Variants in ZNF28 observed in about 807,000 individuals in gnomAD.
ZNF28 encodes the protein zinc finger protein 28.
In ZNF28, 5 loss-of-function variants were observed where a neutral mutation model predicts 7.2. That is an observed-to-expected ratio of 0.70 (90% CI 0.36 to 1.46). ZNF28 has a LOEUF of 1.46. Among genes scored for constraint, ZNF28 ranks in the 40% most tolerant of loss-of-function variants. The probability of loss-of-function intolerance (pLI) is 0.03; values close to 1 mark genes in which losing one functional copy is unlikely to be tolerated. For synonymous variants in ZNF28, 288 were observed against 292.4 expected, an observed-to-expected ratio of 0.99 and a Z score of 0.15; for missense variants, 879 against 866.6, an observed-to-expected ratio of 1.01 and a Z score of -0.18.
chr19:52,813,507 C>G (rs865895576), intron 2 of ZNF28, among the ~76,000 whole-genome samples: 1 of 146,314 alleles, frequency 6.8e-6, no homozygotes, highest in Non-Finnish European at 1.5e-5. Context: ...TTTTTTTACC[C>G]AGGGCTCTGG....
At chr19:52,818,163 A>C in intron 1 of ZNF28, 132 bp from the exon 2 acceptor site, 1 of 969,262 alleles carries the variant, frequency 1.0e-6, no homozygotes. Context: ...ACCACGAACA[A>C]AAAATTCCTA....
intron 1 of ZNF28, among the ~76,000 whole-genome samples, chr19:52,819,093 A>G (rs2063163398): frequency 7.1e-6 from 1 of 140,126 alleles, no homozygotes; most frequent in Non-Finnish European, 1.5e-5. Context: ...CAACAACCTG[A>G]GACAGGAAGG....
Position 52,799,008 on chromosome 19 carries a change from C to A in ZNF28, c.*680G>T. 1.2e-6 allele frequency: 1 copy of A among 821,574 alleles called. No individual in the cohort carries two copies. Among genetic ancestry groups the A allele is most frequent in the Non-Finnish European group, 1.8e-6 (1 of 541,530 alleles). The allele number at this position is 821,574 out of a possible 1,614,324, so 50.9% of individuals were successfully genotyped here. ...TCACTCCCAAAAGCCTTGTTACAAA[C>A]CTTACATTTGTATGTTTTTTCTCCA... On this transcript the variant is annotated 3_prime_UTR_variant, in exon 4 of 4. Transcript: ENST00000457749.
chr19:52,797,509 G>A lies in ZNF28; in HGVS notation c.*2179C>T, dbSNP rs2062812124. On this transcript the variant is annotated 3_prime_UTR_variant, in exon 4 of 4. Coordinates refer to ENST00000457749, the MANE Select transcript of ZNF28 (RefSeq NM_006969.5). ...CAACTGGAACTAATAAACATATTCAGTGTATTTGCAGAATAGAATAATAGC... is the reference window on the plus strand; with the variant it reads ...CAACTGGAACTAATAAACATATTCAATGTATTTGCAGAATAGAATAATAGC... The A allele has an allele frequency of 6.6e-6, 1 of 152,196 alleles. No homozygotes were observed. The highest frequency in any genetic ancestry group is 1.5e-5 in the Non-Finnish European group (1 of 68,032). The allele number at this position is 152,196 out of a possible 1,614,324, so 9.4% of individuals were successfully genotyped here.
At chr19:52,816,001 TA>T (rs1367675175) in intron 2 of ZNF28, among the ~76,000 whole-genome samples, 1 of 146,870 alleles carries the variant, frequency 6.8e-6, no homozygotes, top group Non-Finnish European at 1.5e-5. Flanking sequence ...GAATTTTTTT[TA>T]AAGTCTCATA....
Position 52,800,028 on chromosome 19 carries a change from G to C in ZNF28, c.1817C>G (p.Pro606Arg). The change falls in exon 4 of 4, where the codon CCT (proline) becomes CGT (arginine). Residue 606 changes from proline (P) to arginine (R), a missense_variant. Physicochemically the swap from Pro to Arg is moderately radical, Grantham distance 103 (BLOSUM62 -2). This residue lies in a region of ZNF28 where 864 missense variants were observed against 830.2 expected (regional missense o/e 1.04). Transcript: ENST00000457749. ...QHQRVHTGEK[P>R]YKCNECGKTF... Reference sequence around the variant, plus strand: ...CTTGCCACACTCATTACACTTGTAAGGTTTCTCTCCAGTATGAACTCTCTG... The same window carrying C: ...CTTGCCACACTCATTACACTTGTAACGTTTCTCTCCAGTATGAACTCTCTG... The C allele has an allele frequency of 1.2e-6, 2 of 1,614,174 alleles. No homozygotes were observed. Among genetic ancestry groups the C allele is most frequent in the Non-Finnish European group, 1.7e-6 (2 of 1,180,024 alleles).
chr19:52,804,693 C>T (rs921856996), intron 3 of ZNF28, among the ~76,000 whole-genome samples: 1 of 152,008 alleles, frequency 6.6e-6, no homozygotes, highest in African/African-American at 2.4e-5. Context: ...TTAGTAAATT[C>T]GAGGTTTCAC....
intron 3 of ZNF28, among the ~76,000 whole-genome samples, chr19:52,807,517 G>A (rs908110512): frequency 1.3e-5 from 2 of 152,072 alleles, no homozygotes; most frequent in Admixed American, 6.6e-5. Flanking sequence ...TCTGTCGTCC[G>A]GGCTGGAGTG....
rs1336530537 is a variant in ZNF28, at chr19:52,800,559, T to C, written c.1286A>G (p.His429Arg). ...CTTCTCTCCAGTGTGAATTATACTA[T>C]GTTTTGCCAGGTATGAATTATATGC... ...AFAYNSYLAK[H>R]SIIHTGEKPY... The change falls in exon 4 of 4, where the codon CAT becomes CGT. Residue 429 changes from histidine (H) to arginine (R), a missense_variant. By Grantham distance (29) the His-to-Arg change is conservative. Coordinates refer to ENST00000457749, the MANE Select transcript of ZNF28 (RefSeq NM_006969.5). 5.0e-6 allele frequency: 8 copies of C among 1,613,438 alleles called. No individual in the cohort carries two copies. Among genetic ancestry groups the C allele is most frequent in the Non-Finnish European group, 6.8e-6 (8 of 1,179,840 alleles).
intron 2 of ZNF28, among the ~76,000 whole-genome samples, chr19:52,817,051 A>G (rs1457973699): frequency 6.6e-6 from 1 of 152,012 alleles, no homozygotes; most frequent in Non-Finnish European, 1.5e-5. Context: ...TCCTGCTATT[A>G]TTTACATTGA....
Position 52,812,103 on chromosome 19 carries a change from C to T in ZNF28, c.16-3970G>A, listed in dbSNP as rs1411602024. Reference sequence around the variant, plus strand: ...GCCGCCCCTACTGGGAAGTGAGGAGCCCCTCTGCCTGGCCAGCCGCCCCGT... The same window carrying T: ...GCCGCCCCTACTGGGAAGTGAGGAGTCCCTCTGCCTGGCCAGCCGCCCCGT... On this transcript the variant is annotated intron_variant, in intron 2 of 3. Transcript: ENST00000457749. Among the ~76,000 whole-genome samples the T allele has an allele frequency of 7.5e-5, 8 of 106,882 alleles. 1 individual carries two copies. Among genetic ancestry groups the T allele is most frequent in the Non-Finnish European group, 1.4e-4 (8 of 55,466 alleles). The allele number at this position is 106,882 out of a possible 152,430, so 70.1% of individuals were successfully genotyped here. A position where few individuals can be genotyped will look rare whatever the true frequency, so the allele number is the denominator to read the frequency against.
At chr19:52,809,154 A>G (rs1333325332) in intron 2 of ZNF28, among the ~76,000 whole-genome samples, 1 of 152,194 alleles carries the variant, frequency 6.6e-6, no homozygotes, top group Non-Finnish European at 1.5e-5. Flanking sequence ...GGCAGGGGGA[A>G]TCTTGTCAGA....
intron 2 of ZNF28, among the ~76,000 whole-genome samples, chr19:52,812,843 C>G (rs1045311831): frequency 1.5e-4 from 23 of 150,012 alleles, no homozygotes; most frequent in Non-Finnish European, 2.8e-4. Flanking sequence ...ACTGGGCAAG[C>G]CTTTGAGGAA....
chr19:52,798,840 C>A lies in ZNF28; in HGVS notation c.*848G>T. ...GCATTACTGAAAACTTTGTGACAAT[C>A]ATTATATTAGTCAAGTTTCCCTATA... On this transcript the variant is annotated 3_prime_UTR_variant, in exon 4 of 4. Coordinates refer to ENST00000457749, the MANE Select transcript of ZNF28 (RefSeq NM_006969.5). 2 of 1,132,330 alleles carry A rather than the reference C, an allele frequency of 1.8e-6. No individual in the cohort carries two copies. The highest frequency in any genetic ancestry group is 3.5e-5 in the East Asian group (1 of 28,818). The allele number at this position is 1,132,330 out of a possible 1,614,324, so 70.1% of individuals were successfully genotyped here.
At chr19:52,816,858 T>TAAC (rs1250648607) in intron 2 of ZNF28, among the ~76,000 whole-genome samples, 1 of 130,296 alleles carries the variant, frequency 7.7e-6, no homozygotes, top group African/African-American at 2.9e-5. Flanking sequence ...ATAATAATAA[T>TAAC]AATAATAATA....
intron 1 of ZNF28, 27 bp from the exon 2 acceptor site, chr19:52,818,058 T>C (rs943816571): frequency 6.3e-7 from 1 of 1,575,070 alleles, no homozygotes; most frequent in African/African-American, 1.3e-5. Flanking sequence ...TGTTGTTTAT[T>C]GCTCAGAATC....
rs2063060738 is a variant in ZNF28 at position 52,812,297 on chromosome 19, G to A, written c.16-4164C>T. ...CGGCTCATTGAGAACGGGCCATGAT[G>A]ACAATGGCGGTTTTGTGGAATAGAA... is the stretch of plus-strand genomic sequence containing the variant. On this transcript the variant is annotated intron_variant, in intron 2 of 3. Coordinates refer to ENST00000457749, the MANE Select transcript of ZNF28 (RefSeq NM_006969.5). 1.4e-5 allele frequency among the ~76,000 whole-genome samples: 2 copies of A among 141,382 alleles called. 1 individual carries two copies. Among genetic ancestry groups the A allele is most frequent in the Non-Finnish European group, 3.0e-5 (2 of 67,390 alleles). The allele number at this position is 141,382 out of a possible 152,430, so 92.8% of individuals were successfully genotyped here. A position where few individuals can be genotyped will look rare whatever the true frequency, so the allele number is the denominator to read the frequency against.
intron 1 of ZNF28, among the ~76,000 whole-genome samples, chr19:52,819,711 C>G (rs888109030): frequency 1.4e-5 from 2 of 142,910 alleles, no homozygotes; most frequent in African/African-American, 5.8e-5. Flanking sequence ...CTGGTCTTAT[C>G]ATCCCATCCT....
rs541560187 is a variant in ZNF28 at position 52,804,207 on chromosome 19, T to A, written c.143-2505A>T. On this transcript the variant is annotated intron_variant, in intron 3 of 3. Transcript: ENST00000457749. ...AAGAAGGCTGTCACCAGGAACCAATTTGGCTGGCACCTTGCTCTTGGATTT... is the reference window on the plus strand; with the variant it reads ...AAGAAGGCTGTCACCAGGAACCAATATGGCTGGCACCTTGCTCTTGGATTT... Among the ~76,000 whole-genome samples, 3 of 152,362 alleles carry A rather than the reference T, an allele frequency of 2.0e-5. No homozygotes were observed. In the East Asian group the frequency reaches 5.8e-4, roughly 29 times the overall value.
Sources: gnomAD v4.1 joint callset for allele counts (sites outside exome capture counted in the v4.1 genomes callset) on GRCh38, gnomAD v4.1.1 for gene constraint, gnomAD v4.1.1 regional missense constraint, MANE v1.5 for transcripts, NCBI Gene and HGNC (gene_info 2026-07-23, HGNC 2026-07-21) for gene names.